The following ATRNL1 variants were observed in gnomAD, a reference collection of about 807,000 sequenced individuals.
ATRNL1 encodes attractin like 1.
Under a neutral mutation model 182.7 loss-of-function variants are expected in ATRNL1, and 95 were observed. The observed-to-expected ratio is 0.52, with a 90% CI of 0.44 to 0.62. The LOEUF is 0.62. ATRNL1 is among the 20% of genes least tolerant of loss of function. The probability of loss-of-function intolerance (pLI) is 0.00; values close to 1 mark genes in which losing one functional copy is unlikely to be tolerated. For missense variants in ATRNL1, 1,471 were observed against 1,679.5 expected, an observed-to-expected ratio of 0.88 and a Z score of 2.17; for synonymous variants, 576 against 568.3, an observed-to-expected ratio of 1.01 and a Z score of -0.19.
intron 27 of ATRNL1, among the ~76,000 whole-genome samples, chr10:115,828,016 T>C (rs1317753287): frequency 6.6e-6 from 1 of 151,810 alleles, no homozygotes; most frequent in Non-Finnish European, 1.5e-5. Flanking sequence ...AATGAATGCT[T>C]CAAGAAACAC....
Position 115,112,196 on chromosome 10 carries a change from T to C in ATRNL1, c.294-7989T>C, listed in dbSNP as rs181435597. Among the ~76,000 whole-genome samples the C allele has an allele frequency of 2.0e-5, 3 of 152,226 alleles. No homozygotes were observed. The East Asian group carries it at 5.8e-4, about 29-fold the overall frequency. On this transcript the variant is annotated intron_variant, in intron 1 of 28. Coordinates refer to ENST00000355044, the MANE Select transcript of ATRNL1 (RefSeq NM_207303.4). ...AAAGATACTTTGTGTATTCATGAAGTGAAAGAGTATTGTTAAAATGTCTAT... is the reference window on the plus strand; with the variant it reads ...AAAGATACTTTGTGTATTCATGAAGCGAAAGAGTATTGTTAAAATGTCTAT...
At chr10:115,369,428 A>G (rs1564964674) in intron 19 of ATRNL1, among the ~76,000 whole-genome samples, 1 of 152,002 alleles carries the variant, frequency 6.6e-6, no homozygotes, top group African/African-American at 2.4e-5. Context: ...TTGTGAGAGG[A>G]TGAGGCTTGA....
At chr10:115,912,997 C>T (rs567782559) in intron 28 of ATRNL1, among the ~76,000 whole-genome samples, 2 of 152,190 alleles carry the variant, frequency 1.3e-5, no homozygotes, top group South Asian at 2.1e-4. Flanking sequence ...CCTTAGCAGA[C>T]AAATTGTGAG....
chr10:115,401,350 T>C (rs1394332734), intron 20 of ATRNL1, among the ~76,000 whole-genome samples: 5 of 152,114 alleles, frequency 3.3e-5, no homozygotes, highest in Admixed American at 6.6e-5. Flanking sequence ...ATGTCTCATA[T>C]TGGCTTCCTG....
At chr10:115,388,811 A>G (rs528601034) in intron 19 of ATRNL1, among the ~76,000 whole-genome samples, 7 of 151,904 alleles carry the variant, frequency 4.6e-5, no homozygotes, top group Non-Finnish European at 8.8e-5. Flanking sequence ...TTTGAATTTT[A>G]TTTTTAATTT....
intron 21 of ATRNL1, among the ~76,000 whole-genome samples, chr10:115,443,430 G>A (rs1377261760): frequency 1.3e-5 from 2 of 151,862 alleles, no homozygotes; most frequent in East Asian, 3.8e-4. Flanking sequence ...ACATTTTTGT[G>A]ATTAATGATG....
chr10:115,578,283 T>G (rs958981172), intron 26 of ATRNL1, among the ~76,000 whole-genome samples: 4 of 151,932 alleles, frequency 2.6e-5, no homozygotes, highest in African/African-American at 9.6e-5. Context: ...AGTTTGGAAG[T>G]ATTCCCTCTA....
At chr10:115,696,303 T>C (rs2133984048) in intron 26 of ATRNL1, among the ~76,000 whole-genome samples, 1 of 152,300 alleles carries the variant, frequency 6.6e-6, no homozygotes, top group South Asian at 2.1e-4. Context: ...GCATGGTCTT[T>C]ATAATGGAAT....
At chr10:115,667,539 A>G (rs1861070294) in intron 26 of ATRNL1, among the ~76,000 whole-genome samples, 1 of 152,122 alleles carries the variant, frequency 6.6e-6, no homozygotes, top group African/African-American at 2.4e-5. Context: ...GTTGAATGAC[A>G]CTACATCATT....
At chr10:115,655,627 G>C (rs1307311305) in intron 26 of ATRNL1, among the ~76,000 whole-genome samples, 3 of 152,144 alleles carry the variant, frequency 2.0e-5, no homozygotes, top group African/African-American at 7.2e-5. Flanking sequence ...TGAGGTGGCA[G>C]CAAGAACAAC....
chr10:115,723,515 G>C (rs782385005), intron 26 of ATRNL1, among the ~76,000 whole-genome samples: 2 of 130,544 alleles, frequency 1.5e-5, no homozygotes, highest in Non-Finnish European at 3.4e-5. Flanking sequence ...AAATTTAAGC[G>C]TAGATATTCT....
intron 19 of ATRNL1, among the ~76,000 whole-genome samples, chr10:115,369,005 C>T (rs187161867): frequency 2.1e-4 from 32 of 152,108 alleles, no homozygotes; most frequent in African/African-American, 7.0e-4. Context: ...TAAGCCACTG[C>T]GCCCAGCCGT....
chr10:115,100,154 C>A (rs1257298074), intron 1 of ATRNL1, among the ~76,000 whole-genome samples: 1 of 152,022 alleles, frequency 6.6e-6, no homozygotes, highest in Admixed American at 6.6e-5. Context: ...ATTAGCTGGT[C>A]GTGGCGGTGT....
At chr10:115,298,500 G>T (rs552073891) in intron 15 of ATRNL1, among the ~76,000 whole-genome samples, 2 of 152,164 alleles carry the variant, frequency 1.3e-5, no homozygotes, top group South Asian at 4.1e-4. Context: ...ACTATAGATA[G>T]TTCAGGGATA....
chr10:115,577,413 A>G (rs1854783393), intron 26 of ATRNL1, among the ~76,000 whole-genome samples: 1 of 151,726 alleles, frequency 6.6e-6, no homozygotes, highest in African/African-American at 2.4e-5. Context: ...AATATTTTAT[A>G]GTTTTTATTG....
chr10:115,103,145 C>T (rs1298427355), intron 1 of ATRNL1, among the ~76,000 whole-genome samples: 1 of 150,160 alleles, frequency 6.7e-6, no homozygotes, highest in Non-Finnish European at 1.5e-5. Context: ...TCACGCGATT[C>T]TCGTGCCTCA....
At chr10:115,265,432 A>G (rs1019973067) in intron 11 of ATRNL1, among the ~76,000 whole-genome samples, 155 bp downstream of exon 11, 3 of 151,634 alleles carry the variant, frequency 2.0e-5, no homozygotes, top group African/African-American at 7.2e-5. Flanking sequence ...TGATTTGTCA[A>G]TCATATCTTT....
At chr10:115,919,515 T>C (rs1056978440) in intron 28 of ATRNL1, among the ~76,000 whole-genome samples, 2 of 152,098 alleles carry the variant, frequency 1.3e-5, no homozygotes, top group Non-Finnish European at 2.9e-5. Context: ...AATTTAAAAA[T>C]CACAGTGAAT....
intron 28 of ATRNL1, chr10:115,909,393 G>C (rs1178638985): frequency 2.6e-5 from 4 of 152,022 alleles, no homozygotes; most frequent in African/African-American, 9.7e-5. Flanking sequence ...TGCCATCAAG[G>C]CTAAGACAAA....
Sources: allele counts gnomAD v4.1 joint callset (sites outside exome capture counted in the v4.1 genomes callset), GRCh38; gene constraint gnomAD v4.1.1; transcripts MANE v1.5; gene names NCBI Gene and HGNC (gene_info 2026-07-23, HGNC 2026-07-21).